The following NPIPB2 variants were observed in gnomAD, a reference collection of about 807,000 sequenced individuals.
The protein encoded by NPIPB2 is nuclear pore complex interacting protein family member B2, also known as nuclear pore complex-interacting protein family member B2.
In NPIPB2, 27 loss-of-function variants were observed where a neutral mutation model predicts 30.8. That is an observed-to-expected ratio of 0.88 (90% CI 0.65 to 1.21). The LOEUF is 1.21. Among genes scored for constraint, NPIPB2 ranks in the 50% most tolerant of loss-of-function variants. The probability of loss-of-function intolerance (pLI) is 0.00; values close to 1 mark genes in which losing one functional copy is unlikely to be tolerated. For missense variants in NPIPB2, 440 were observed against 446.2 expected (o/e 0.99, Z 0.13); for synonymous variants, 147 against 162.0 (o/e 0.91, Z 0.70).
intron 1 of NPIPB2, among the ~76,000 whole-genome samples, chr16:11,973,100 A>C (rs2055245782): frequency 6.8e-6 from 1 of 147,922 alleles, no homozygotes; most frequent in East Asian, 2.1e-4. Context: ...GCAGAGGCAG[A>C]AGTTGCGGTG....
intron 1 of NPIPB2, chr16:11,966,245 G>C: frequency 6.2e-7 from 1 of 1,613,948 alleles, no homozygotes; most frequent in Non-Finnish European, 8.5e-7. Context: ...GACCTGTTTG[G>C]GACTGAGCTT....
At chr16:11,975,402 C>G (rs891071652) in intron 1 of NPIPB2, among the ~76,000 whole-genome samples, 1 of 151,696 alleles carries the variant, frequency 6.6e-6, no homozygotes, top group Non-Finnish European at 1.5e-5. Flanking sequence ...CCGCCTCGGC[C>G]TCCCAAAGTG....
At chr16:11,954,025 C>T (rs1371226622) in intron 1 of NPIPB2, among the ~76,000 whole-genome samples, 3 of 151,910 alleles carry the variant, frequency 2.0e-5, no homozygotes, top group Non-Finnish European at 2.9e-5. Flanking sequence ...ATTGAATAGG[C>T]ATACTATAAT....
In NPIPB2 at chr16:11,965,307, T is replaced by G. The variant is rs760826489; in HGVS notation, c.-584+11261A>C. 2.5e-6 allele frequency: 4 copies of G among 1,613,940 alleles called. No individual in the cohort carries two copies. In the African/African-American group the frequency reaches 5.3e-5, roughly 22 times the overall value. On this transcript the variant is annotated intron_variant, in intron 1 of 5. Transcript: ENST00000538896. ...CAGGCTGTTCTTTCTGTAGCTCCCTTGTTTTCTTTTTGTGATCATGTTGCA... is the reference window on the plus strand; with the variant it reads ...CAGGCTGTTCTTTCTGTAGCTCCCTGGTTTTCTTTTTGTGATCATGTTGCA...
chr16:11,972,629 C>T (rs2055242791), intron 1 of NPIPB2, among the ~76,000 whole-genome samples: 1 of 151,746 alleles, frequency 6.6e-6, no homozygotes, highest in Admixed American at 6.6e-5. Context: ...AATCCCAGCA[C>T]TTTGGGAGGC....
intron 1 of NPIPB2, among the ~76,000 whole-genome samples, chr16:11,959,072 G>A (rs1039066905): frequency 1.3e-5 from 2 of 152,146 alleles, no homozygotes; most frequent in African/African-American, 2.4e-5. Flanking sequence ...GCTGGGGCTC[G>A]GGCCGTGGCA....
intron 1 of NPIPB2, among the ~76,000 whole-genome samples, chr16:11,971,021 T>A (rs1023341981): frequency 6.6e-6 from 1 of 151,696 alleles, no homozygotes; most frequent in South Asian, 2.1e-4. Flanking sequence ...TCTCGGCTAA[T>A]TTTTTTTATT....
upstream of NPIPB2, among the ~76,000 whole-genome samples, chr16:11,945,028 A>T (rs56991759): frequency 0.13 from 20,084 of 151,276 alleles, 2,048 homozygotes; most frequent in African/African-American, 0.26. Flanking sequence ...AAAATAAAAA[A>T]AAAAAAAAAT....
At chr16:11,969,373 C>T (rs2055220538) in intron 1 of NPIPB2, among the ~76,000 whole-genome samples, 1 of 152,082 alleles carries the variant, frequency 6.6e-6, no homozygotes, top group Non-Finnish European at 1.5e-5. Flanking sequence ...TTCTCTGCCT[C>T]AGCCACCCGA....
chr16:11,943,964 C>T (rs183411040), upstream of NPIPB2, among the ~76,000 whole-genome samples: 1,786 of 114,426 alleles, frequency 0.016, 20 homozygotes, highest in Middle Eastern at 0.04. Flanking sequence ...CGCCACTGCA[C>T]TCCAGCCTGG....
chr16:11,963,738 G>C (rs1012011665), intron 1 of NPIPB2, among the ~76,000 whole-genome samples: 7 of 151,968 alleles, frequency 4.6e-5, no homozygotes, highest in African/African-American at 1.7e-4. Flanking sequence ...ACTCAGTATG[G>C]TTAAAAGCAA....
intron 4 of NPIPB2, among the ~76,000 whole-genome samples, chr16:11,932,147 C>A (rs3960316): frequency 1.3e-5 from 2 of 152,008 alleles, no homozygotes; most frequent in East Asian, 3.9e-4. Flanking sequence ...CAATTGCAGC[C>A]TGTATGGAGG....
intron 1 of NPIPB2, chr16:11,967,621 G>T: frequency 6.2e-7 from 1 of 1,614,216 alleles, no homozygotes. Flanking sequence ...AGCAGGACTG[G>T]TGATGAAATT....
chr16:11,954,541 T>C (rs1257439284), intron 1 of NPIPB2, among the ~76,000 whole-genome samples: 1 of 151,454 alleles, frequency 6.6e-6, no homozygotes, highest in Non-Finnish European at 1.5e-5. Context: ...TTATGTATAA[T>C]TGAGAAATAA....
chr16:11,938,171 A>C (rs575815541), intron 1 of NPIPB2, among the ~76,000 whole-genome samples: 33 of 152,102 alleles, frequency 2.2e-4, no homozygotes, highest in Middle Eastern at 3.4e-3. Flanking sequence ...GGTCTCTGCC[A>C]CCATGCCCGA....
intron 1 of NPIPB2, among the ~76,000 whole-genome samples, chr16:11,951,188 G>A (rs2055057842): frequency 6.6e-6 from 1 of 151,934 alleles, no homozygotes; most frequent in Non-Finnish European, 1.5e-5. Context: ...CGGGCGCAGT[G>A]GCTCATGCCT....
chr16:11,975,441 C>G (rs970227208), intron 1 of NPIPB2, among the ~76,000 whole-genome samples: 3 of 151,922 alleles, frequency 2.0e-5, no homozygotes, highest in Non-Finnish European at 4.4e-5. Flanking sequence ...GCCACCGCGC[C>G]CGGCCAATCC....
chr16:11,943,960 T>C (rs1373942241), upstream of NPIPB2, among the ~76,000 whole-genome samples: 86 of 112,062 alleles, frequency 7.7e-4, no homozygotes, highest in African/African-American at 2.8e-3. Context: ...ATCGCGCCAC[T>C]GCACTCCAGC....
chr16:11,965,181 C>G, intron 1 of NPIPB2: 2 of 1,027,914 alleles, frequency 1.9e-6, no homozygotes, highest in Non-Finnish European at 2.9e-6. Context: ...AGACAGCCCC[C>G]GTAAGAACCC....
Sources: gnomAD v4.1 joint callset for allele counts (sites outside exome capture counted in the v4.1 genomes callset) on GRCh38, gnomAD v4.1.1 for gene constraint, MANE v1.5 for transcripts, NCBI Gene and HGNC (gene_info 2026-07-23, HGNC 2026-07-21) for gene names.